Variants in CSNK1D observed in about 807,000 individuals in gnomAD.
CSNK1D encodes the protein casein kinase 1 delta.
In CSNK1D, 16 loss-of-function variants were observed where a neutral mutation model predicts 46.6. That is an observed-to-expected ratio of 0.34 (90% CI 0.23 to 0.52). The LOEUF is 0.52. Among genes scored for constraint, CSNK1D ranks in the 20% least tolerant of loss-of-function variants. CSNK1D has a pLI of 0.95. For synonymous variants in CSNK1D, 276 were observed against 228.2 expected (o/e 1.21, Z -1.89); for missense variants, 398 against 578.4 (o/e 0.69, Z 3.20).
At chr17:82,240,072 AAAGC>A (rs2050721028), downstream of CSNK1D, 2 of 1,233,704 alleles carry the variant, frequency 1.6e-6, no homozygotes, top group African/African-American at 1.5e-5. Context: ...TCTGCAATGA[AAAGC>A]AAGCGAAAAG....
chr17:82,273,282 C>CGGGCGG lies in CSNK1D; in HGVS notation c.76+18_76+23dup, dbSNP rs1298954803. On this transcript the variant is annotated intron_variant, in intron 1 of 8. Transcript: ENST00000314028. The surrounding 1 kb of genome is among the most constrained non-coding windows in gnomAD (Gnocchi z 5.1). The stretch of plus-strand genomic sequence containing the variant: ...CCGCAGGGCCCGGGTCTTCGGGCGG[C>CGGGCGG]GGGCGGGGGCGGCGGGGCCTCACCG... 2 of 1,593,348 alleles carry CGGGCGG rather than the reference C, an allele frequency of 1.3e-6. No individual in the cohort carries two copies. Among genetic ancestry groups the CGGGCGG allele is most frequent in the Admixed American group, 3.4e-5 (2 of 59,012 alleles).
chr17:82,258,583 T>C (rs2051244907), intron 2 of CSNK1D, among the ~76,000 whole-genome samples: 1 of 152,174 alleles, frequency 6.6e-6, no homozygotes, highest in Admixed American at 6.5e-5. Flanking sequence ...CAAATTCCCT[T>C]TCTCCACTCC....
chr17:82,271,457 CA>C (rs2051621748), intron 1 of CSNK1D, among the ~76,000 whole-genome samples: 1 of 152,314 alleles, frequency 6.6e-6, no homozygotes, highest in Non-Finnish European at 1.5e-5. Flanking sequence ...AAACTTTCGC[CA>C]AAATCCATTG....
At chr17:82,241,147 C>G (rs1350833784), downstream of CSNK1D, among the ~76,000 whole-genome samples, 1 of 152,180 alleles carries the variant, frequency 6.6e-6, no homozygotes, top group African/African-American at 2.4e-5. Flanking sequence ...AGAGGGCGCA[C>G]AGACTTCTTC....
Position 82,273,206 on chromosome 17 carries a change from G to T in CSNK1D, c.76+100C>A. On this transcript the variant is annotated intron_variant, in intron 1 of 8. Coordinates refer to ENST00000314028, the MANE Select transcript of CSNK1D (RefSeq NM_001893.6). The surrounding 1 kb of genome is among the most constrained non-coding windows in gnomAD (Gnocchi z 5.1). ...CCGGCGGTGCCGGGACTTGCGCGGA[G>T]ACCCCGCGGGGGCCACCACTTCCTT... 1 of 1,227,750 alleles carries T rather than the reference G, an allele frequency of 8.1e-7. No homozygotes were observed. The highest frequency in any genetic ancestry group is 1.1e-6 in the Non-Finnish European group (1 of 876,030). The allele number at this position is 1,227,750 out of a possible 1,614,324, so 76.1% of individuals were successfully genotyped here. A position where few individuals can be genotyped will look rare whatever the true frequency, so the allele number is the denominator to read the frequency against.
At chr17:82,247,401 G>A (rs1599577544) in intron 8 of CSNK1D, 2 of 985,270 alleles carry the variant, frequency 2.0e-6, no homozygotes, top group African/African-American at 1.7e-5. Context: ...CACCTTCACT[G>A]CCCACAAAGA....
rs1243040501 is a variant in CSNK1D at position 82,261,517 on chromosome 17, A to G, written c.187+4169T>C. ...GGACTGAGCATTAATGCAAATAGAA[A>G]TTTTCATGAAGTTTTCAGCAGTTGA... On this transcript the variant is annotated intron_variant, in intron 2 of 8. Coordinates refer to ENST00000314028, the MANE Select transcript of CSNK1D (RefSeq NM_001893.6). Among the ~76,000 whole-genome samples the G allele has an allele frequency of 3.3e-5, 5 of 152,262 alleles. No individual in the cohort carries two copies. In the East Asian group the frequency reaches 5.8e-4, roughly 18 times the overall value.
chr17:82,241,514 C>T (rs1568546249), downstream of CSNK1D, among the ~76,000 whole-genome samples: 2 of 152,242 alleles, frequency 1.3e-5, no homozygotes, highest in African/African-American at 2.4e-5. Flanking sequence ...GACATGCAGC[C>T]CCTGCTCCCT....
chr17:82,266,061 T>C (rs2051460236), intron 1 of CSNK1D, among the ~76,000 whole-genome samples: 1 of 152,208 alleles, frequency 6.6e-6, no homozygotes, highest in African/African-American at 2.4e-5. Flanking sequence ...CTTCAGGTGC[T>C]GCAGCTCCCT....
intron 2 of CSNK1D, chr17:82,265,393 A>C (rs1478382313): frequency 7.4e-6 from 3 of 402,908 alleles, no homozygotes; most frequent in Non-Finnish European, 1.4e-5. Flanking sequence ...TGGCCAGGCT[A>C]GTCTCAAACT....
chr17:82,261,971 A>G (rs2051352505), intron 2 of CSNK1D, among the ~76,000 whole-genome samples: 1 of 152,152 alleles, frequency 6.6e-6, no homozygotes, highest in African/African-American at 2.4e-5. Context: ...TCCTTTGCTG[A>G]GGGGTTCCCC....
At chr17:82,270,502 C>A (rs868298173) in intron 1 of CSNK1D, among the ~76,000 whole-genome samples, 1 of 152,184 alleles carries the variant, frequency 6.6e-6, no homozygotes, top group African/African-American at 2.4e-5. Context: ...ATACACGACA[C>A]ACAGAGGTCA....
In CSNK1D at chr17:82,244,483, G is replaced by A; in HGVS notation, c.*298C>T. 7.2e-7 allele frequency: 1 copy of A among 1,384,028 alleles called. No homozygotes were observed. Among genetic ancestry groups the A allele is most frequent in the Non-Finnish European group, 9.4e-7 (1 of 1,065,286 alleles). 85.7% of individuals were successfully genotyped at this position (1,384,028 alleles called of 1,614,324 possible). Reference sequence around the variant, plus strand: ...GGAGTACAGGGCGGCCACCACTGGAGGGAGCTGAGGCCCTGGAAAAGGAGT... The same window carrying A: ...GGAGTACAGGGCGGCCACCACTGGAAGGAGCTGAGGCCCTGGAAAAGGAGT... On this transcript the variant is annotated 3_prime_UTR_variant, in exon 9 of 9. Coordinates refer to ENST00000314028, the MANE Select transcript of CSNK1D (RefSeq NM_001893.6).
chr17:82,244,607 G>A lies in CSNK1D; in HGVS notation c.*174C>T. On this transcript the variant is annotated 3_prime_UTR_variant, in exon 9 of 9. Transcript: ENST00000314028. Reference sequence around the variant, plus strand: ...TGCAGCCCCAGCGGTGGCAGCTCTTGGAGTCTGTCCGTTTAGTATGTTTCC... The same window carrying A: ...TGCAGCCCCAGCGGTGGCAGCTCTTAGAGTCTGTCCGTTTAGTATGTTTCC... 11 of 1,525,662 alleles carry A rather than the reference G, an allele frequency of 7.2e-6. No homozygotes were observed. Among genetic ancestry groups the A allele is most frequent in the Non-Finnish European group, 7.0e-6 (8 of 1,139,698 alleles). 94.5% of individuals were successfully genotyped at this position (1,525,662 alleles called of 1,614,324 possible).
chr17:82,239,084 A>T (rs2050697250), downstream of CSNK1D: 4 of 1,120,166 alleles, frequency 3.6e-6, no homozygotes, highest in African/African-American at 3.1e-5. Context: ...GCTGGGCTCC[A>T]GCTGCCGGCC....
At chr17:82,267,578 A>G (rs1393720171) in intron 1 of CSNK1D, among the ~76,000 whole-genome samples, 1 of 152,220 alleles carries the variant, frequency 6.6e-6, no homozygotes, top group Non-Finnish European at 1.5e-5. Context: ...TCTTCAGAGT[A>G]CTCGAGGTAA....
chr17:82,240,028 G>A (rs759563915), downstream of CSNK1D: 41 of 1,233,820 alleles, frequency 3.3e-5, no homozygotes, highest in Admixed American at 1.3e-4. Context: ...CTGGCGGGCC[G>A]CGTGCAGCCG....
chr17:82,248,013 T>C lies in CSNK1D; in HGVS notation c.1197+862A>G. 1 of 985,434 alleles carries C rather than the reference T, an allele frequency of 1.0e-6. No homozygotes were observed. Among genetic ancestry groups the C allele is most frequent in the Non-Finnish European group, 1.2e-6 (1 of 829,966 alleles). The allele number at this position is 985,434 out of a possible 1,614,324, so 61.0% of individuals were successfully genotyped here. On this transcript the variant is annotated intron_variant, in intron 8 of 8. Coordinates refer to ENST00000314028, the MANE Select transcript of CSNK1D (RefSeq NM_001893.6). The surrounding 1 kb of genome is among the most constrained non-coding windows in gnomAD (Gnocchi z 4.1). ...CGGCAGCAGGCCTGGCTCCATCCTG[T>C]GATCCCAACAAACACCTCCCCACAA... is the stretch of plus-strand genomic sequence containing the variant.
At chr17:82,241,251 C>T (rs1016818656), downstream of CSNK1D, among the ~76,000 whole-genome samples, 1 of 152,188 alleles carries the variant, frequency 6.6e-6, no homozygotes, top group African/African-American at 2.4e-5. Context: ...AAGGCCTGTG[C>T]CGGGGGAGGT....
Sources: gnomAD v4.1 joint callset for allele counts (sites outside exome capture counted in the v4.1 genomes callset) on GRCh38, gnomAD v4.1.1 for gene constraint, Gnocchi (gnomAD v3.1) non-coding constraint, MANE v1.5 for transcripts, NCBI Gene and HGNC (gene_info 2026-07-23, HGNC 2026-07-21) for gene names.